Variants in CDK6 observed in about 807,000 individuals in gnomAD.
CDK6 encodes cyclin-dependent kinase 6.
A neutral mutation model predicts 37.1 loss-of-function variants in CDK6; 6 were observed. The observed-to-expected ratio is 0.16, with a 90% confidence interval of 0.09 to 0.32. The LOEUF (loss-of-function observed/expected upper bound fraction) is 0.32. Among genes scored for constraint, CDK6 ranks in the 10% least tolerant of loss-of-function variants. CDK6 has a pLI of 1.00. For missense variants in CDK6, 224 were observed against 418.9 expected (o/e 0.53, Z 4.06); for synonymous variants, 160 against 161.3 (o/e 0.99, Z 0.06).
chr7:92,680,435 GAAAAAAA>G (rs778849907), intron 4 of CDK6, among the ~76,000 whole-genome samples: 19 of 27,916 alleles, frequency 6.8e-4, no homozygotes, highest in South Asian at 6.3e-3. Context: ...TTCCATCTCA[GAAAAAAA>G]AAAAAAAAAA....
At chr7:92,759,611 T>A (rs1398139988) in intron 3 of CDK6, among the ~76,000 whole-genome samples, 1 of 151,090 alleles carries the variant, frequency 6.6e-6, no homozygotes, top group East Asian at 1.9e-4. Context: ...TCCTCAGCAG[T>A]TTTCATTTAC....
intron 5 of CDK6, among the ~76,000 whole-genome samples, chr7:92,634,201 C>G (rs942401115): frequency 6.6e-6 from 1 of 151,998 alleles, no homozygotes; most frequent in Admixed American, 6.6e-5. Context: ...CTGTCATTTG[C>G]TCTGTGGTGA....
intron 5 of CDK6, among the ~76,000 whole-genome samples, chr7:92,643,939 A>G (rs1393575715): frequency 1.3e-5 from 2 of 152,224 alleles, no homozygotes; most frequent in South Asian, 2.1e-4. Context: ...TGGAATTGTC[A>G]TATCAGCTTT....
chr7:92,692,516 G>A lies in CDK6; in HGVS notation c.538-20981C>T, dbSNP rs572562020. On this transcript the variant is annotated intron_variant, in intron 4 of 7. Coordinates refer to ENST00000424848, the MANE Select transcript of CDK6 (RefSeq NM_001145306.2). ...AAAATTATCTTGGGCTGGGCACAGC[G>A]GCTCATGCCTGTAATCCAGCACTTT... Among the ~76,000 whole-genome samples, 6 of 152,250 alleles carry A rather than the reference G, an allele frequency of 3.9e-5. No homozygotes were observed. In the South Asian group the frequency reaches 8.3e-4, roughly 21 times the overall value.
intron 6 of CDK6, among the ~76,000 whole-genome samples, chr7:92,618,800 A>C (rs1180279556): frequency 6.6e-6 from 1 of 152,222 alleles, no homozygotes; most frequent in Non-Finnish European, 1.5e-5. Flanking sequence ...TATAAAAGGA[A>C]GTCTGTGGTA....
In CDK6 at chr7:92,611,562, G is replaced by A. The variant is rs981561353; in HGVS notation, c.*3578C>T. The stretch of plus-strand genomic sequence containing the variant: ...TAATGGCCATTACTGACTTTAATAG[G>A]CACCACTTGTAAAAGAAGCAGCTAC... On this transcript the variant is annotated 3_prime_UTR_variant, in exon 8 of 8. Transcript: ENST00000424848. The A allele has an allele frequency of 4.4e-6, 1 of 227,980 alleles. No individual in the cohort carries two copies. Among genetic ancestry groups the A allele is most frequent in the Non-Finnish European group, 8.7e-6 (1 of 115,086 alleles). 14.1% of individuals were successfully genotyped at this position (227,980 alleles called of 1,614,324 possible).
chr7:92,746,517 G>A (rs1249628320), intron 3 of CDK6, among the ~76,000 whole-genome samples: 1 of 152,208 alleles, frequency 6.6e-6, no homozygotes, highest in Admixed American at 6.5e-5. Flanking sequence ...TTCAGGCTAT[G>A]TGTATAAAGC....
At chr7:92,818,711 T>C (rs961900949) in intron 2 of CDK6, among the ~76,000 whole-genome samples, 8 of 152,036 alleles carry the variant, frequency 5.3e-5, no homozygotes, top group African/African-American at 1.9e-4. Flanking sequence ...AAAAGACTGC[T>C]CAAGAACTCT....
At chr7:92,785,755 G>A (rs1197896675) in intron 2 of CDK6, among the ~76,000 whole-genome samples, 1 of 152,148 alleles carries the variant, frequency 6.6e-6, no homozygotes, top group Admixed American at 6.5e-5. Context: ...GGTCAGTGAT[G>A]GGGAGACTTT....
chr7:92,742,173 C>T (rs1425622596), intron 3 of CDK6, among the ~76,000 whole-genome samples: 2 of 152,136 alleles, frequency 1.3e-5, no homozygotes, highest in Non-Finnish European at 2.9e-5. Context: ...ACAACTTGAA[C>T]TTTGCTTAGG....
chr7:92,633,828 G>C (rs1319762973), intron 5 of CDK6, among the ~76,000 whole-genome samples: 3 of 152,108 alleles, frequency 2.0e-5, no homozygotes, highest in South Asian at 2.1e-4. Context: ...ACTGTATTAT[G>C]AGTATAAAAT....
chr7:92,687,573 T>C, intron 4 of CDK6, among the ~76,000 whole-genome samples: 1 of 152,336 alleles, frequency 6.6e-6, no homozygotes, highest in Non-Finnish European at 1.5e-5. Flanking sequence ...ATAAAATTTA[T>C]ACATAATAGC....
At chr7:92,762,871 T>G (rs1376306959) in intron 3 of CDK6, among the ~76,000 whole-genome samples, 1 of 152,168 alleles carries the variant, frequency 6.6e-6, no homozygotes, top group East Asian at 1.9e-4. Context: ...GCGCCCGGCC[T>G]AGAACATCTT....
chr7:92,616,816 AAGG>A (rs1382080016), intron 7 of CDK6, among the ~76,000 whole-genome samples: 5 of 152,272 alleles, frequency 3.3e-5, no homozygotes, highest in East Asian at 1.9e-4. Flanking sequence ...GGGTGGAGAG[AAGG>A]AGAACACCTT....
intron 4 of CDK6, among the ~76,000 whole-genome samples, chr7:92,711,077 G>C (rs1248881675): frequency 6.6e-6 from 1 of 152,158 alleles, no homozygotes; most frequent in Non-Finnish European, 1.5e-5. Flanking sequence ...TCAAATTTTT[G>C]AATGTGCATT....
At chr7:92,756,554 T>G (rs142966311) in intron 3 of CDK6, among the ~76,000 whole-genome samples, 1 of 152,204 alleles carries the variant, frequency 6.6e-6, no homozygotes, top group African/African-American at 2.4e-5. Flanking sequence ...TAGGTTTAGA[T>G]CTAGGTTAGA....
chr7:92,744,658 C>T (rs768197356), intron 3 of CDK6, among the ~76,000 whole-genome samples: 4 of 152,168 alleles, frequency 2.6e-5, no homozygotes, highest in South Asian at 2.1e-4. Context: ...AGGTAATATG[C>T]ATGTGTGTAA....
Position 92,798,886 on chromosome 7 carries a change from A to C in CDK6, c.234-24055T>G, listed in dbSNP as rs944393961. Among the ~76,000 whole-genome samples the C allele has an allele frequency of 2.0e-5, 3 of 152,166 alleles. 1 individual carries two copies. The highest frequency in any genetic ancestry group is 6.6e-5 in the Admixed American group (1 of 15,266). ...AAAGCTATTGTCTTCTTCTATATGG[A>C]TCTTCTGTCCCTCATGATTCACAGG... On this transcript the variant is annotated intron_variant, in intron 2 of 7. Transcript: ENST00000424848.
At chr7:92,814,413 T>C (rs1039937263) in intron 2 of CDK6, among the ~76,000 whole-genome samples, 6 of 152,184 alleles carry the variant, frequency 3.9e-5, no homozygotes, top group African/African-American at 1.4e-4. Flanking sequence ...CTGGTGAAAT[T>C]AGCAGACAAC....
Sources: allele counts gnomAD v4.1 joint callset (sites outside exome capture counted in the v4.1 genomes callset), GRCh38; gene constraint gnomAD v4.1.1; transcripts MANE v1.5; gene names NCBI Gene and HGNC (gene_info 2026-07-23, HGNC 2026-07-21).